Variants in BIN1 observed in about 807,000 individuals in gnomAD.
The protein encoded by BIN1 is myc box-dependent-interacting protein 1.
BIN1 carries 53 observed loss-of-function variants against 82.0 expected under a neutral mutation model. That is an observed-to-expected ratio of 0.65 (90% CI 0.52 to 0.81). The LOEUF (loss-of-function observed/expected upper bound fraction) is 0.81. Among genes scored for constraint, BIN1 ranks in the 40% least tolerant of loss-of-function variants. The probability of loss-of-function intolerance (pLI) is 0.00; values close to 1 mark genes in which losing one functional copy is unlikely to be tolerated. For synonymous variants in BIN1, 302 were observed against 328.0 expected (o/e 0.92, Z 0.86); for missense variants, 642 against 784.4 (o/e 0.82, Z 2.17).
rs1201976449 is a variant in BIN1 at position 127,107,109 on chromosome 2, G to GGCGAGCGAGCCA, written c.-178_-167dup. On this transcript the variant is annotated 5_prime_UTR_variant, in exon 1 of 19. Coordinates refer to ENST00000316724, the MANE Select transcript of BIN1 (RefSeq NM_139343.3). This position sits in a 1 kb window ranked among gnomAD's most constrained non-coding sequence, Gnocchi z 5.9. ...ACGGAGGCGGAGCGTGCGCCGGACG[G>GGCGAGCGAGCCA]GCGAGCGAGCCAGCGAGCTAGCCAG... is the stretch of plus-strand genomic sequence containing the variant. The GGCGAGCGAGCCA allele has an allele frequency of 7.0e-6, 5 of 712,862 alleles. No individual in the cohort carries two copies. The highest frequency in any genetic ancestry group is 3.8e-5 in the African/African-American group (2 of 52,924). The allele number at this position is 712,862 out of a possible 1,614,324, so 44.2% of individuals were successfully genotyped here.
intron 1 of BIN1, among the ~76,000 whole-genome samples, chr2:127,079,283 C>T (rs1687003264): frequency 6.6e-6 from 1 of 152,210 alleles, no homozygotes; most frequent in Non-Finnish European, 1.5e-5. Flanking sequence ...CTCTGAGCCT[C>T]AATCTACAAA....
chr2:127,053,095 C>T (rs910402375), intron 14 of BIN1: 33 of 446,428 alleles, frequency 7.4e-5, no homozygotes, highest in African/African-American at 6.0e-4. Flanking sequence ...CCTGAGGACA[C>T]TCGTCCATCC....
chr2:127,071,435 T>C (rs538627877), intron 2 of BIN1, among the ~76,000 whole-genome samples: 1 of 151,836 alleles, frequency 6.6e-6, no homozygotes, highest in Non-Finnish European at 1.5e-5. Flanking sequence ...AGCAGGGACA[T>C]AGGATGTAGA....
chr2:127,078,513 G>A (rs1686902333), intron 1 of BIN1, among the ~76,000 whole-genome samples: 1 of 152,172 alleles, frequency 6.6e-6, no homozygotes, highest in African/African-American at 2.4e-5. Context: ...AGAGGTCACA[G>A]AGGATGGAGT....
intron 7 of BIN1, among the ~76,000 whole-genome samples, chr2:127,065,140 C>G (rs143767206): frequency 0.025 from 3,828 of 152,336 alleles, 79 homozygotes; most frequent in Middle Eastern, 0.1. Flanking sequence ...CCTCAGACAC[C>G]AGGACTAGCC....
chr2:127,097,904 C>A (rs906578686), intron 1 of BIN1, among the ~76,000 whole-genome samples: 4 of 152,228 alleles, frequency 2.6e-5, no homozygotes, highest in Admixed American at 1.3e-4. Flanking sequence ...TCTCCCCACA[C>A]TACCACCTGC....
chr2:127,072,567 CA>C (rs1333958347), intron 2 of BIN1, among the ~76,000 whole-genome samples: 1 of 151,840 alleles, frequency 6.6e-6, no homozygotes, highest in African/African-American at 2.4e-5. Context: ...GAGACATCCA[CA>C]GGGGGAGCTT....
At position 127,103,830 on chromosome 2, in the gene BIN1, G is replaced by C. The variant is rs78622772; in HGVS notation, c.84+3030C>G. On this transcript the variant is annotated intron_variant, in intron 1 of 18. Coordinates refer to ENST00000316724, the MANE Select transcript of BIN1 (RefSeq NM_139343.3). ...CCAAAAATGGACACAATCATTTATA[G>C]AGGGTTCGACAAGCCAAACGCAATG... Among the ~76,000 whole-genome samples the C allele has an allele frequency of 0.018, 2,815 of 152,356 alleles. 171 individuals carry two copies. The East Asian group carries it at 0.19, about 10-fold the overall frequency.
chr2:127,066,512 A>G (rs1685171089), intron 7 of BIN1, among the ~76,000 whole-genome samples: 1 of 152,244 alleles, frequency 6.6e-6, no homozygotes, highest in African/African-American at 2.4e-5. Context: ...AAAATTATTC[A>G]GAAACCCGGG....
chr2:127,059,236 G>A lies in BIN1; in HGVS notation c.858-81C>T, dbSNP rs867031278. On this transcript the variant is annotated intron_variant, in intron 10 of 18. Coordinates refer to ENST00000316724, the MANE Select transcript of BIN1 (RefSeq NM_139343.3). This position sits in a 1 kb window ranked among gnomAD's most constrained non-coding sequence, Gnocchi z 6.7. ...CGGAGGGGCAAATGTATTGACGTCT[G>A]TGTGAAGAGGTGTGTGCATATGGAG... 1.9e-5 allele frequency: 28 copies of A among 1,476,288 alleles called. No individual in the cohort carries two copies. In the African/African-American group the frequency reaches 2.9e-4, roughly 15 times the overall value. The allele number at this position is 1,476,288 out of a possible 1,614,324, so 91.4% of individuals were successfully genotyped here.
At chr2:127,094,049 G>A (rs145121765) in intron 1 of BIN1, among the ~76,000 whole-genome samples, 7 of 152,176 alleles carry the variant, frequency 4.6e-5, no homozygotes, top group African/African-American at 1.2e-4. Flanking sequence ...CCGGCACCCC[G>A]ACCTTCAGGG....
chr2:127,085,941 C>T (rs1678095339), intron 1 of BIN1, among the ~76,000 whole-genome samples: 1 of 152,182 alleles, frequency 6.6e-6, no homozygotes, highest in Non-Finnish European at 1.5e-5. Context: ...GAGGGGACTC[C>T]CTCCCCATCA....
At position 127,068,287 on chromosome 2, in the gene BIN1, GGA is replaced by G. The variant is rs772296816; in HGVS notation, c.520-34_520-33del. On this transcript the variant is annotated intron_variant, in intron 6 of 18. Coordinates refer to ENST00000316724, the MANE Select transcript of BIN1 (RefSeq NM_139343.3). The surrounding 1 kb of genome is among the most constrained non-coding windows in gnomAD (Gnocchi z 4.9). ...TGGGGAGGTCAAGGCAAAGGAAGGT[GGA>G]GAGACCAGGGAGGTGGGGAGAGAGA... is the stretch of plus-strand genomic sequence containing the variant. 3 of 1,561,862 alleles carry G rather than the reference GGA, an allele frequency of 1.9e-6. No individual in the cohort carries two copies. The highest frequency in any genetic ancestry group is 3.4e-5 in the Admixed American group (2 of 59,212).
In BIN1 at chr2:127,057,969, GA is replaced by G. The variant is rs1683926700; in HGVS notation, c.1003-369del. 6.6e-6 allele frequency among the ~76,000 whole-genome samples: 1 copy of G among 152,270 alleles called. No homozygotes were observed. Among genetic ancestry groups the G allele is most frequent in the Admixed American group, 6.5e-5 (1 of 15,304 alleles). On this transcript the variant is annotated intron_variant, in intron 11 of 18. Transcript: ENST00000316724. The surrounding 1 kb of genome is among the most constrained non-coding windows in gnomAD (Gnocchi z 5.0). ...CCACTGGCCTGGTGAGAAGACTGGG[GA>G]AGCAAACAGTCGTTGAGAGACAGCC...
intron 1 of BIN1, among the ~76,000 whole-genome samples, chr2:127,100,999 C>CGGGGGTGGGG (rs559593064): frequency 9.8e-6 from 1 of 101,730 alleles, no homozygotes; most frequent in Admixed American, 9.5e-5. Flanking sequence ...TAGGAATGTG[C>CGGGGGTGGGG]GGGGGGTGGG....
At chr2:127,105,429 C>G (rs1680924208) in intron 1 of BIN1, among the ~76,000 whole-genome samples, 1 of 151,376 alleles carries the variant, frequency 6.6e-6, no homozygotes, top group South Asian at 2.1e-4. Context: ...AACCTGAAGT[C>G]TTCCCAGCCC....
At chr2:127,104,097 C>T (rs573058047) in intron 1 of BIN1, among the ~76,000 whole-genome samples, 1 of 152,336 alleles carries the variant, frequency 6.6e-6, no homozygotes, top group Admixed American at 6.5e-5. Flanking sequence ...GGGGACTCAG[C>T]CCAGGAGGCA....
intron 1 of BIN1, among the ~76,000 whole-genome samples, chr2:127,106,073 G>A (rs1188490365): frequency 6.6e-6 from 1 of 152,248 alleles, no homozygotes; most frequent in Non-Finnish European, 1.5e-5. Context: ...TCTCCGCGAG[G>A]AGGGGTCGGG....
chr2:127,053,625 C>T (rs1390313487), intron 13 of BIN1, 180 bp from the exon 14 acceptor site: 8 of 842,304 alleles, frequency 9.5e-6, no homozygotes, highest in Admixed American at 4.0e-5. Flanking sequence ...CGACACCTCT[C>T]AGGGAGCTTC....
Sources: allele counts gnomAD v4.1 joint callset (sites outside exome capture counted in the v4.1 genomes callset), GRCh38; gene constraint gnomAD v4.1.1; non-coding constraint Gnocchi (gnomAD v3.1); transcripts MANE v1.5; gene names NCBI Gene and HGNC (gene_info 2026-07-23, HGNC 2026-07-21).